The following PTCD1 variants were observed in gnomAD, a reference collection of about 807,000 sequenced individuals.
PTCD1 encodes the protein pentatricopeptide repeat-containing protein 1, mitochondrial.
PTCD1 carries 50 observed loss-of-function variants against 53.4 expected under a neutral mutation model. That is an observed-to-expected ratio of 0.94 (90% CI 0.75 to 1.19). PTCD1 has a LOEUF of 1.19. PTCD1 is among the 50% of genes most tolerant of loss of function. The pLI, the probability that PTCD1 is intolerant of heterozygous loss-of-function variation, is 0.00. For synonymous variants in PTCD1, 413 were observed against 394.8 expected, an observed-to-expected ratio of 1.05 and a Z score of -0.55; for missense variants, 918 against 904.8, an observed-to-expected ratio of 1.01 and a Z score of -0.19.
intron 5 of PTCD1, among the ~76,000 whole-genome samples, chr7:99,427,250 T>A: frequency 1.8e-5 from 2 of 113,582 alleles, no homozygotes; most frequent in Non-Finnish European, 3.7e-5. Context: ...CGGCTGCCCC[T>A]ACTGGGAAGT....
chr7:99,421,541 A>G (rs1795819390), intron 7 of PTCD1, among the ~76,000 whole-genome samples: 2 of 151,316 alleles, frequency 1.3e-5, no homozygotes, highest in African/African-American at 2.4e-5. Context: ...TCGGGAGTTC[A>G]AGACCAGCCT....
intron 3 of PTCD1, chr7:99,432,907 G>C: frequency 2.9e-6 from 1 of 349,506 alleles, no homozygotes; most frequent in Non-Finnish European, 5.5e-6. Context: ...AAATTAGCCA[G>C]ATATGGTGCT....
chr7:99,432,629 T>G (rs1796307457), intron 3 of PTCD1, among the ~76,000 whole-genome samples: 1 of 152,186 alleles, frequency 6.6e-6, no homozygotes, highest in South Asian at 2.1e-4. Flanking sequence ...GTATGCGGGA[T>G]GCTGAGCGTA....
chr7:99,430,843 G>A (rs942120243), intron 3 of PTCD1, among the ~76,000 whole-genome samples: 1 of 152,154 alleles, frequency 6.6e-6, no homozygotes, highest in African/African-American at 2.4e-5. Flanking sequence ...AGGCTGAGGT[G>A]GGCAGATCAC....
At chr7:99,430,637 C>T (rs1017858778) in intron 3 of PTCD1, among the ~76,000 whole-genome samples, 5 of 152,218 alleles carry the variant, frequency 3.3e-5, no homozygotes, top group Non-Finnish European at 4.4e-5. Context: ...GTAAGCTCTG[C>T]GTGTATTGCT....
rs1205014428 is a variant in PTCD1, at chr7:99,423,858, T to C, written c.1837A>G (p.Met613Val). The C allele has an allele frequency of 3.1e-6, 5 of 1,614,222 alleles. No homozygotes were observed. Among genetic ancestry groups the C allele is most frequent in the Non-Finnish European group, 4.2e-6 (5 of 1,180,036 alleles). Reference sequence around the variant, plus strand: ...TTCACCGGGACCCTGTTCTGCTTCATGTCCTTCAAGATGCTGATGAGATAG... The same window carrying C: ...TTCACCGGGACCCTGTTCTGCTTCACGTCCTTCAAGATGCTGATGAGATAG... ...YTYLISILKD[M>V]KQNRVPVNEV... is the part of the protein sequence containing the mutation. The change falls in exon 7 of 8, where the codon ATG becomes GTG. Residue 613 changes from methionine (M) to valine (V), a missense_variant. Physicochemically the swap from Met to Val is conservative, Grantham distance 21 (BLOSUM62 1). Transcript: ENST00000292478.
intron 3 of PTCD1, among the ~76,000 whole-genome samples, chr7:99,432,075 G>T (rs1161080840): frequency 2.0e-5 from 3 of 152,236 alleles, no homozygotes; most frequent in African/African-American, 4.8e-5. Flanking sequence ...CCTCTGCCCA[G>T]GAAAGCCAGG....
chr7:99,424,717 A>AC, intron 6 of PTCD1, 78 bp downstream of exon 6: 3 of 1,561,812 alleles, frequency 1.9e-6, no homozygotes, highest in Non-Finnish European at 2.6e-6. Flanking sequence ...GGGTCTGCAG[A>AC]CCCCTCAAAC....
chr7:99,424,781 C>A lies in PTCD1; in HGVS notation c.1737+14G>T. On this transcript the variant is annotated intron_variant, in intron 6 of 7. Transcript: ENST00000292478. Reference sequence around the variant, plus strand: ...AGCACCATGGGTGTCCTGCCCAGGCCCGAGTCCACTCACCTTCATGTCTGT... The same window carrying A: ...AGCACCATGGGTGTCCTGCCCAGGCACGAGTCCACTCACCTTCATGTCTGT... 2 of 1,613,992 alleles carry A rather than the reference C, an allele frequency of 1.2e-6. No individual in the cohort carries two copies.
Position 99,423,786 on chromosome 7 carries a change from T to C in PTCD1, c.1909A>G (p.Thr637Ala). The C allele has an allele frequency of 6.2e-7, 1 of 1,613,800 alleles. No homozygotes were observed. Among genetic ancestry groups the C allele is most frequent in the Non-Finnish European group, 8.5e-7 (1 of 1,179,950 alleles). The change falls in exon 7 of 8, where the codon ACC (threonine) becomes GCC (alanine). Residue 637 changes from threonine (T) to alanine (A), a missense_variant. Coordinates refer to ENST00000292478, the MANE Select transcript of PTCD1 (RefSeq NM_015545.4). ...CTTGGGGCACACACCCGGTCAAAGGTGGGAGGGTACTGGGCTGCAAACTCC... is the reference window on the plus strand; with the variant it reads ...CTTGGGGCACACACCCGGTCAAAGGCGGGAGGGTACTGGGCTGCAAACTCC... Reference protein sequence around the residue: ...QLEFAAQYPPTFDRYQGKNTY... With the variant: ...QLEFAAQYPPAFDRYQGKNTY...
chr7:99,431,009 A>C (rs1796229449), intron 3 of PTCD1, among the ~76,000 whole-genome samples: 1 of 152,182 alleles, frequency 6.6e-6, no homozygotes, highest in African/African-American at 2.4e-5. Flanking sequence ...TGGGAGGTGG[A>C]GGTTGCATTG....
rs1374264230 is a variant in PTCD1 at position 99,420,032 on chromosome 7, T to C, written c.2038A>G (p.Lys680Glu). The C allele has an allele frequency of 1.2e-6, 2 of 1,614,066 alleles. No individual in the cohort carries two copies. Among genetic ancestry groups the C allele is most frequent in the Non-Finnish European group, 1.7e-6 (2 of 1,180,006 alleles). The change falls in exon 8 of 8, where the codon AAG becomes GAG. Residue 680 changes from lysine to glutamate, a missense_variant. Lys to Glu is a moderately conservative substitution (Grantham distance 56). Coordinates refer to ENST00000292478, the MANE Select transcript of PTCD1 (RefSeq NM_015545.4). ...CCGGTGTCCTGGTCCCCCTGGGGCT[T>C]GGTCCGGAACTTCTGCCAGGGGTGC... Reference protein sequence around the residue: ...TPHPWQKFRTKPQGDQDTGKE... With the variant: ...TPHPWQKFRTEPQGDQDTGKE...
At chr7:99,433,079 G>A (rs948897058) in intron 3 of PTCD1, 199 bp downstream of exon 3, 8 of 749,260 alleles carry the variant, frequency 1.1e-5, no homozygotes, top group Admixed American at 4.9e-5. Context: ...CATGGGGACC[G>A]CCACAGTCCA....
intron 6 of PTCD1, among the ~76,000 whole-genome samples, chr7:99,424,521 C>T (rs1477782715): frequency 6.6e-6 from 1 of 152,192 alleles, no homozygotes; most frequent in African/African-American, 2.4e-5. Flanking sequence ...GTGTTGGGGC[C>T]GAGGCCTGTG....
rs932165399 is a variant in PTCD1 at position 99,417,803 on chromosome 7, T to C, written c.*2164A>G. ...GTGTGTTTGTTAGGTCTGGGGTCAA[T>C]CTCAACTCCACTTTTGGGCAAATTA... is the stretch of plus-strand genomic sequence containing the variant. On this transcript the variant is annotated 3_prime_UTR_variant, in exon 8 of 8. Transcript: ENST00000292478. 17 of 1,513,292 alleles carry C rather than the reference T, an allele frequency of 1.1e-5. No homozygotes were observed. The Admixed American group carries it at 2.5e-4, about 22-fold the overall frequency. The allele number at this position is 1,513,292 out of a possible 1,614,324, so 93.7% of individuals were successfully genotyped here.
chr7:99,425,547 C>T lies in PTCD1; in HGVS notation c.985G>A (p.Ala329Thr). Reference sequence around the variant, plus strand: ...GGGTCCCCTAGGCCACAGTCCCGAGCTGCCACCAACAGCAGGTTGTAGCTG... The same window carrying T: ...GGGTCCCCTAGGCCACAGTCCCGAGTTGCCACCAACAGCAGGTTGTAGCTG... ...RDSYNLLLVAARDCGLGDPQV... is the reference protein window; with the variant it reads ...RDSYNLLLVATRDCGLGDPQV... Residue 329 changes from alanine to threonine, a missense_variant, in exon 6 of 8, where the codon GCT (alanine) becomes ACT (threonine). Coordinates refer to ENST00000292478, the MANE Select transcript of PTCD1 (RefSeq NM_015545.4). The T allele has an allele frequency of 6.2e-7, 1 of 1,612,770 alleles. No homozygotes were observed. Among genetic ancestry groups the T allele is most frequent in the African/African-American group, 1.3e-5 (1 of 75,058 alleles).
At chr7:99,436,121 T>C (rs1796457087) in intron 1 of PTCD1, among the ~76,000 whole-genome samples, 1 of 151,988 alleles carries the variant, frequency 6.6e-6, no homozygotes, top group Admixed American at 6.6e-5. Flanking sequence ...AATTTTATTT[T>C]TTGGTAGAGA....
intron 3 of PTCD1, among the ~76,000 whole-genome samples, chr7:99,432,193 T>C (rs1796283350): frequency 6.6e-6 from 1 of 151,934 alleles, no homozygotes; most frequent in Admixed American, 6.6e-5. Flanking sequence ...CCATAAAGGG[T>C]CTGTGCTGAG....
rs968360230 is a variant in PTCD1 at position 99,438,672 on chromosome 7, A to T, written c.-27+20T>A. ...TGGCCCGGGTCCCGGGGCTCCTGCG[A>T]GGATCACACAGGAACTCACTTGAAG... On this transcript the variant is annotated intron_variant, in intron 1 of 7. Coordinates refer to ENST00000292478, the MANE Select transcript of PTCD1 (RefSeq NM_015545.4). 3.2e-6 allele frequency: 4 copies of T among 1,250,492 alleles called. No homozygotes were observed. The highest frequency in any genetic ancestry group is 4.1e-6 in the Non-Finnish European group (4 of 974,250). The allele number at this position is 1,250,492 out of a possible 1,614,324, so 77.5% of individuals were successfully genotyped here. A position where few individuals can be genotyped will look rare whatever the true frequency, so the allele number is the denominator to read the frequency against.
Sources: gnomAD v4.1 joint callset for allele counts (sites outside exome capture counted in the v4.1 genomes callset) on GRCh38, gnomAD v4.1.1 for gene constraint, MANE v1.5 for transcripts, NCBI Gene and HGNC (gene_info 2026-07-23, HGNC 2026-07-21) for gene names.